Variants in SLC7A2 observed in about 807,000 individuals in gnomAD.
SLC7A2 encodes the protein solute carrier family 7 member 2, also known as cationic amino acid transporter 2.
Under a neutral mutation model 58.9 loss-of-function variants are expected in SLC7A2, and 48 were observed. The observed-to-expected ratio is 0.82, with a 90% CI of 0.65 to 1.04. SLC7A2 has a LOEUF of 1.04. SLC7A2 is among the 50% of genes least tolerant of loss of function. The probability of loss-of-function intolerance (pLI) is 0.00; values close to 1 mark genes in which losing one functional copy is unlikely to be tolerated. For missense variants in SLC7A2, 1,029 were observed against 818.8 expected (o/e 1.26, Z -3.13); for synonymous variants, 363 against 314.5 (o/e 1.15, Z -1.63).
At chr8:17,530,344 G>A (rs934641198) in intron 2 of SLC7A2, among the ~76,000 whole-genome samples, 9 of 152,114 alleles carry the variant, frequency 5.9e-5, no homozygotes, top group African/African-American at 2.2e-4. Context: ...GGGGGCAGCT[G>A]GATACATGCA....
At chr8:17,554,401 T>C (rs1225504988) in intron 7 of SLC7A2, among the ~76,000 whole-genome samples, 159 bp from the exon 8 acceptor site, 1 of 152,176 alleles carries the variant, frequency 6.6e-6, no homozygotes, top group Non-Finnish European at 1.5e-5. Flanking sequence ...TGCCCTATCA[T>C]AGTGCATTTA....
chr8:17,554,400 A>G (rs1802589956), intron 7 of SLC7A2, among the ~76,000 whole-genome samples, 160 bp from the exon 8 acceptor site: 1 of 152,208 alleles, frequency 6.6e-6, no homozygotes, highest in Admixed American at 6.5e-5. Flanking sequence ...ATGCCCTATC[A>G]TAGTGCATTT....
chr8:17,513,427 A>G lies in SLC7A2; in HGVS notation c.-23+11125A>G, dbSNP rs538798598. Among the ~76,000 whole-genome samples the G allele has an allele frequency of 4.6e-5, 7 of 152,336 alleles. No homozygotes were observed. The East Asian group carries it at 1.2e-3, about 25-fold the overall frequency. On this transcript the variant is annotated intron_variant, in intron 2 of 12. Coordinates refer to ENST00000494857, the MANE Select transcript of SLC7A2 (RefSeq NM_001370338.1). ...ACTGAAACAAAAACCAGAATCATCCACTTTTACCTCCATTCACACAAAAGG... is the reference window on the plus strand; with the variant it reads ...ACTGAAACAAAAACCAGAATCATCCGCTTTTACCTCCATTCACACAAAAGG...
chr8:17,558,234 G>A (rs2150772136), intron 8 of SLC7A2, 61 bp from the exon 9 acceptor site: 2 of 1,063,538 alleles, frequency 1.9e-6, no homozygotes, highest in Non-Finnish European at 2.9e-6. Context: ...TTGAACGTTA[G>A]TAACTGTATG....
intron 1 of SLC7A2, among the ~76,000 whole-genome samples, chr8:17,497,810 T>TGCTC (rs1800012990): frequency 6.6e-6 from 1 of 152,142 alleles, no homozygotes; most frequent in Admixed American, 6.5e-5. Flanking sequence ...TATTGGGTAT[T>TGCTC]TTAAAGTAAC....
At chr8:17,505,369 C>T (rs1488412184) in intron 2 of SLC7A2, among the ~76,000 whole-genome samples, 2 of 152,098 alleles carry the variant, frequency 1.3e-5, no homozygotes, top group Middle Eastern at 3.2e-3. Context: ...TGAAGAAGAC[C>T]GCTTATGGCC....
At chr8:17,555,962 A>T (rs1802682324) in intron 8 of SLC7A2, among the ~76,000 whole-genome samples, 1 of 152,198 alleles carries the variant, frequency 6.6e-6, no homozygotes, top group Non-Finnish European at 1.5e-5. Context: ...AATTTCGTTG[A>T]GGCTCTGAAT....
At position 17,561,969 on chromosome 8, in the gene SLC7A2, C is replaced by G. The variant is rs1345407976; in HGVS notation, c.1530C>G (p.Val510=). Residue 510 remains valine (V), a synonymous_variant, in exon 11 of 13, where the codon GTC becomes GTG. Transcript: ENST00000494857. ...FLAFLVLGLS[V]LTTYGVHAIT... Reference sequence around the variant, plus strand: ...CTTTCCTCGTGTTGGGCCTGAGTGTCTTGACCACTTACGGAGTTCATGCCA... The same window carrying G: ...CTTTCCTCGTGTTGGGCCTGAGTGTGTTGACCACTTACGGAGTTCATGCCA... 1 of 1,614,112 alleles carries G rather than the reference C, an allele frequency of 6.2e-7. No individual in the cohort carries two copies. The highest frequency in any genetic ancestry group is 1.1e-5 in the South Asian group (1 of 91,078).
Position 17,543,379 on chromosome 8 carries a change from C to G in SLC7A2, c.40C>G (p.Leu14Val). ...AGCCGCGCTGACCTTTGCCCGATGTCTGATCCGGAGAAAAATCGTGACCCT... is the reference window on the plus strand; with the variant it reads ...AGCCGCGCTGACCTTTGCCCGATGTGTGATCCGGAGAAAAATCGTGACCCT... ...CRAALTFARC[L>V]IRRKIVTLDS... is the part of the protein sequence containing the mutation. The change falls in exon 3 of 13, where the codon CTG becomes GTG. Residue 14 changes from leucine to valine, a missense_variant. Leu to Val is a conservative substitution (Grantham distance 32). Transcript: ENST00000494857. The G allele has an allele frequency of 1.2e-6, 2 of 1,614,160 alleles. No homozygotes were observed. Among genetic ancestry groups the G allele is most frequent in the Admixed American group, 1.7e-5 (1 of 60,020 alleles).
chr8:17,506,509 C>A (rs557397508), intron 2 of SLC7A2, among the ~76,000 whole-genome samples: 2 of 152,146 alleles, frequency 1.3e-5, no homozygotes, highest in Admixed American at 1.3e-4. Context: ...TAGCCTCCCT[C>A]GCCGTGGACA....
chr8:17,532,513 T>C (rs1192339039), intron 2 of SLC7A2, among the ~76,000 whole-genome samples: 2 of 152,130 alleles, frequency 1.3e-5, no homozygotes, highest in African/African-American at 4.8e-5. Context: ...CTTTAGATTA[T>C]TTTTTTGCTT....
At chr8:17,502,600 G>A (rs1013497319) in intron 2 of SLC7A2, among the ~76,000 whole-genome samples, 2 of 152,158 alleles carry the variant, frequency 1.3e-5, no homozygotes, top group African/African-American at 4.8e-5. Context: ...CAGGTTCCTG[G>A]TTCTTGTGAA....
chr8:17,516,047 A>G (rs1800790596), intron 2 of SLC7A2, among the ~76,000 whole-genome samples: 1 of 152,164 alleles, frequency 6.6e-6, no homozygotes, highest in African/African-American at 2.4e-5. Context: ...TCATGTATTT[A>G]AAGAAAGTTA....
chr8:17,529,086 C>T (rs1801333772), intron 2 of SLC7A2, among the ~76,000 whole-genome samples: 1 of 152,138 alleles, frequency 6.6e-6, no homozygotes, highest in African/African-American at 2.4e-5. Context: ...AATAAAAAAG[C>T]ATTATAAAGG....
At chr8:17,507,661 A>G (rs1800427020) in intron 2 of SLC7A2, among the ~76,000 whole-genome samples, 2 of 152,238 alleles carry the variant, frequency 1.3e-5, no homozygotes, top group South Asian at 4.1e-4. Context: ...ATAAATATGT[A>G]CAATTATTAC....
intron 6 of SLC7A2, among the ~76,000 whole-genome samples, chr8:17,551,268 A>G (rs775068497): frequency 6.6e-6 from 1 of 152,194 alleles, no homozygotes. Flanking sequence ...TTTACGTAAT[A>G]AGAAAGTACC....
In SLC7A2 at chr8:17,550,298, TAGAG is replaced by T. The variant is rs770763620; in HGVS notation, c.699_702del (p.Arg233SerfsTer60). On this transcript the variant is annotated splice_acceptor_variant and coding_sequence_variant, in exon 6 of 13. Coordinates refer to ENST00000494857, the MANE Select transcript of SLC7A2 (RefSeq NM_001370338.1). LOFTEE classifies it high-confidence loss of function. ...TTTCCAATGTGTTTGTTCTCTTTCT[TAGAG>T]AGCCACCTTCTGAAAACGGAACAAG... The T allele has an allele frequency of 1.9e-6, 3 of 1,613,434 alleles. No individual in the cohort carries two copies. The highest frequency in any genetic ancestry group is 2.5e-6 in the Non-Finnish European group (3 of 1,179,818).
At chr8:17,548,872 C>A in intron 5 of SLC7A2, 29 bp downstream of exon 5, 1 of 1,558,924 alleles carries the variant, frequency 6.4e-7, no homozygotes. Flanking sequence ...TTTTTTTTCT[C>A]CTTCTTGTTT....
At chr8:17,498,836 C>T (rs1800046845) in intron 1 of SLC7A2, 1 of 152,232 alleles carries the variant, frequency 6.6e-6, no homozygotes, top group Non-Finnish European at 1.5e-5. Flanking sequence ...CAGAGTCTCT[C>T]CTGTCACTGG....
Sources: gnomAD v4.1 joint callset for allele counts (sites outside exome capture counted in the v4.1 genomes callset) on GRCh38, gnomAD v4.1.1 for gene constraint, MANE v1.5 for transcripts, NCBI Gene and HGNC (gene_info 2026-07-23, HGNC 2026-07-21) for gene names.